Variants in ACAP3 observed in about 807,000 individuals in gnomAD.
ACAP3 encodes the protein arf-GAP with coiled-coil, ANK repeat and PH domain-containing protein 3.
Under a neutral mutation model 104.1 loss-of-function variants are expected in ACAP3, and 56 were observed. The ratio of observed to expected loss-of-function variants is 0.54; its 90% CI spans 0.43 to 0.67. The LOEUF is 0.67. ACAP3 is among the 30% of genes least tolerant of loss of function. ACAP3 has a pLI of 0.00. For synonymous variants in ACAP3, 628 were observed against 496.2 expected (o/e 1.27, Z -3.53); for missense variants, 1,208 against 1,174.9 (o/e 1.03, Z -0.41).
chr1:1,296,052 C>A lies in ACAP3; in HGVS notation c.1465G>T (p.Gly489Cys), dbSNP rs772875372. Residue 489 changes from glycine (G) to cysteine (C), a missense_variant, in exon 17 of 24, where the codon GGT becomes TGT. Gly to Cys is a radical substitution (Grantham distance 159). Transcript: ENST00000354700. ...GCTGTGGGTTTCCTGCTGCCTGCAC[C>A]CTCACACTGGGCCTCATAGATCTGA... ...VNQIYEAQCE[G>C]AGSRKPTASS... The A allele has an allele frequency of 1.9e-6, 3 of 1,612,698 alleles. No individual in the cohort carries two copies. In the African/African-American group the frequency reaches 4.0e-5, roughly 22 times the overall value.
intron 14 of ACAP3, 143 bp from the exon 15 acceptor site, chr1:1,296,776 C>T: frequency 2.3e-6 from 2 of 860,206 alleles, no homozygotes; most frequent in Admixed American, 2.2e-5. Context: ...CACGCGCACA[C>T]CCTCACGTGG....
intron 5 of ACAP3, among the ~76,000 whole-genome samples, chr1:1,300,987 G>C (rs1033509245): frequency 6.6e-6 from 1 of 152,146 alleles, no homozygotes; most frequent in Non-Finnish European, 1.5e-5. Flanking sequence ...GGCTGGTCTT[G>C]AACTCCCGAC....
Position 1,295,523 on chromosome 1 carries a change from G to A in ACAP3, c.1737C>T (p.Asp579=), listed in dbSNP as rs1375469955. ...CCAGCTCGTCGGGACAGAAGAGGGA[G>A]TCTCGGCGGAACTTACGATCCAGGG... ...VGTLDRKFRR[D]SLFCPDELDS... Residue 579 remains aspartate (D), a synonymous_variant, in exon 19 of 24, where the codon GAC becomes GAT. Coordinates refer to ENST00000354700, the MANE Select transcript of ACAP3 (RefSeq NM_030649.3). The A allele has an allele frequency of 1.2e-6, 2 of 1,612,698 alleles. No individual in the cohort carries two copies. Among genetic ancestry groups the A allele is most frequent in the Admixed American group, 1.7e-5 (1 of 60,016 alleles).
chr1:1,298,959 T>A, intron 10 of ACAP3: 1 of 543,974 alleles, frequency 1.8e-6, no homozygotes, highest in Non-Finnish European at 3.2e-6. Context: ...CAGGCTGCGA[T>A]CAGGAAGGAA....
chr1:1,295,062 C>A, intron 19 of ACAP3: 1 of 568,082 alleles, frequency 1.8e-6, no homozygotes, highest in Non-Finnish European at 3.1e-6. Flanking sequence ...TTCCCTCCCG[C>A]TCGCCGCCTT....
chr1:1,303,382 C>T lies in ACAP3; in HGVS notation c.106-101G>A. On this transcript the variant is annotated intron_variant, in intron 2 of 23. Coordinates refer to ENST00000354700, the MANE Select transcript of ACAP3 (RefSeq NM_030649.3). This position sits in a 1 kb window ranked among gnomAD's most constrained non-coding sequence, Gnocchi z 4.0. ...GCAGGAAGAGCTCCCAGGGTAGGTT[C>T]CACTCAGGGCGTTGGCACTCAGGAC... The T allele has an allele frequency of 6.8e-7, 1 of 1,480,428 alleles. No homozygotes were observed. The highest frequency in any genetic ancestry group is 9.0e-7 in the Non-Finnish European group (1 of 1,108,952). The allele number at this position is 1,480,428 out of a possible 1,614,324, so 91.7% of individuals were successfully genotyped here.
chr1:1,295,950 G>A lies in ACAP3; in HGVS notation c.1503-12C>T, dbSNP rs1409930130. The A allele has an allele frequency of 1.2e-6, 2 of 1,612,614 alleles. No individual in the cohort carries two copies. The highest frequency in any genetic ancestry group is 2.2e-5 in the East Asian group (1 of 44,878). ...CCTCCTTGTCCTGCCTGGACCAGGG[G>A]GGAACATGAGGCTGTGCCCCCAGGC... On this transcript the variant is annotated splice_polypyrimidine_tract_variant and intron_variant, in intron 17 of 23. Coordinates refer to ENST00000354700, the MANE Select transcript of ACAP3 (RefSeq NM_030649.3).
At chr1:1,295,076 C>G in intron 19 of ACAP3, 1 of 561,126 alleles carries the variant, frequency 1.8e-6, no homozygotes, top group Non-Finnish European at 3.2e-6. Context: ...CCGCCTTACC[C>G]GGCACCCCCC....
chr1:1,294,050 T>A (rs778661534), intron 22 of ACAP3, 40 bp downstream of exon 22: 2 of 1,516,918 alleles, frequency 1.3e-6, no homozygotes, highest in East Asian at 2.5e-5. Context: ...GGGGTAGGCG[T>A]GGTCGGGGCA....
chr1:1,297,333 G>GAA (rs1641224662), intron 14 of ACAP3, among the ~76,000 whole-genome samples: 1 of 14,058 alleles, frequency 7.1e-5, no homozygotes, highest in African/African-American at 8.2e-4. Context: ...TGGCACGTGT[G>GAA]TGTGTGCACG....
intron 19 of ACAP3, chr1:1,295,067 C>T (rs1472758794): frequency 7.1e-6 from 4 of 563,742 alleles, no homozygotes; most frequent in African/African-American, 1.9e-5. Flanking sequence ...TCCCGCTCGC[C>T]GCCTTACCCG....
In ACAP3 at chr1:1,303,142, G is replaced by C; in HGVS notation, c.225+20C>G. ...CTCCCCCAACCCCACCTTGAGGTCA[G>C]AGGTCAGTCGGCCCCTCACCGAGAT... On this transcript the variant is annotated intron_variant, in intron 3 of 23. Transcript: ENST00000354700. The surrounding 1 kb of genome is among the most constrained non-coding windows in gnomAD (Gnocchi z 4.0). The C allele has an allele frequency of 6.3e-7, 1 of 1,583,540 alleles. No homozygotes were observed. Among genetic ancestry groups the C allele is most frequent in the Non-Finnish European group, 8.6e-7 (1 of 1,165,722 alleles).
chr1:1,304,893 G>A (rs1641624236), intron 1 of ACAP3: 1 of 152,388 alleles, frequency 6.6e-6, no homozygotes, highest in African/African-American at 2.4e-5. Flanking sequence ...GCAGGCAACA[G>A]GGAAACAGGG....
rs921358604 is a variant in ACAP3, at chr1:1,294,491, G to C, written c.2050C>G (p.Leu684Val). The change falls in exon 21 of 24, where the codon CTG becomes GTG. Residue 684 changes from leucine (L) to valine (V), a missense_variant. Transcript: ENST00000354700. ...GCCCCGTGGGCCAGCGCCGCCGCCA[G>C]CGCAGGAAGGTCGCGGGCACGCGCT... The part of the protein sequence containing the change: ...RAARARDLPA[L>V]AAALAHGAEV... The C allele has an allele frequency of 2.6e-6, 4 of 1,542,956 alleles. No homozygotes were observed. Among genetic ancestry groups the C allele is most frequent in the South Asian group, 1.2e-5 (1 of 84,392 alleles).
chr1:1,303,040 C>T lies in ACAP3; in HGVS notation c.226-65G>A, dbSNP rs1641519960. 3.8e-6 allele frequency: 6 copies of T among 1,565,488 alleles called. No homozygotes were observed. The highest frequency in any genetic ancestry group is 5.2e-6 in the Non-Finnish European group (6 of 1,154,400). ...CCGGGCCCAGGTCACCCAGCCACGCCCTCTGAGCCCCTGGGCGGTGCAGAC... is the reference window on the plus strand; with the variant it reads ...CCGGGCCCAGGTCACCCAGCCACGCTCTCTGAGCCCCTGGGCGGTGCAGAC... On this transcript the variant is annotated intron_variant, in intron 3 of 23. Transcript: ENST00000354700. The surrounding 1 kb of genome is among the most constrained non-coding windows in gnomAD (Gnocchi z 4.0).
At position 1,296,190 on chromosome 1, in the gene ACAP3, C is replaced by G. The variant is rs553742772; in HGVS notation, c.1407+21G>C. 21 of 1,590,216 alleles carry G rather than the reference C, an allele frequency of 1.3e-5. 1 individual carries two copies. The South Asian group carries it at 2.4e-4, about 18-fold the overall frequency. ...GCCCCCACAAACGGGGTCCCGTGGC[C>G]TCCAGGAGCCCCACACGCACCTTTA... On this transcript the variant is annotated intron_variant, in intron 16 of 23. Transcript: ENST00000354700.
At chr1:1,295,705 C>T (rs371199851) in intron 18 of ACAP3, 31 bp downstream of exon 18, 1 of 1,580,558 alleles carries the variant, frequency 6.3e-7, no homozygotes, top group African/African-American at 1.3e-5. Context: ...AGGCAAGCCC[C>T]TCCCAGCCCT....
chr1:1,296,201 C>CCA lies in ACAP3; in HGVS notation c.1407+8_1407+9dup. The CCA allele has an allele frequency of 6.3e-7, 1 of 1,583,118 alleles. No homozygotes were observed. The highest frequency in any genetic ancestry group is 8.6e-7 in the Non-Finnish European group (1 of 1,164,116). On this transcript the variant is annotated intron_variant, in intron 16 of 23. Transcript: ENST00000354700. ...CGGGGTCCCGTGGCCTCCAGGAGCC[C>CCA]CACACGCACCTTTAGCAGCTCAGGC...
In ACAP3 at chr1:1,299,905, G is replaced by C; in HGVS notation, c.664C>G (p.Leu222Val). 1 of 1,585,444 alleles carries C rather than the reference G, an allele frequency of 6.3e-7. No homozygotes were observed. The highest frequency in any genetic ancestry group is 8.6e-7 in the Non-Finnish European group (1 of 1,160,790). ...GCAGAGTCGATCACCAGCTGGTCCA[G>C]CTGTTGGGGGTGGCATTAGGGAAGG... ...DPYMKKLAAE[L>V]DQLVIDSAVE... The change falls in exon 9 of 24, where the codon CTG becomes GTG. Residue 222 changes from leucine to valine, a missense_variant and splice_region_variant. Leu to Val is a conservative substitution (Grantham distance 32). Coordinates refer to ENST00000354700, the MANE Select transcript of ACAP3 (RefSeq NM_030649.3).
Sources: gnomAD v4.1 joint callset for allele counts (sites outside exome capture counted in the v4.1 genomes callset) on GRCh38, gnomAD v4.1.1 for gene constraint, Gnocchi (gnomAD v3.1) non-coding constraint, MANE v1.5 for transcripts, NCBI Gene and HGNC (gene_info 2026-07-23, HGNC 2026-07-21) for gene names.